The following OLFM4 variants were observed in gnomAD, a reference collection of about 807,000 sequenced individuals.
OLFM4 encodes the protein olfactomedin-4.
In OLFM4, 22 loss-of-function variants were observed where a neutral mutation model predicts 25.5. The ratio of observed to expected loss-of-function variants is 0.86; its 90% CI spans 0.62 to 1.23. The LOEUF (loss-of-function observed/expected upper bound fraction) is 1.23. OLFM4 is among the 50% of genes most tolerant of loss of function. The pLI is 0.00. For missense variants in OLFM4, 594 were observed against 619.4 expected (o/e 0.96, Z 0.44); for synonymous variants, 255 against 237.7 (o/e 1.07, Z -0.67).
chr13:53,043,602 C>T (rs556103266), intron 4 of OLFM4, among the ~76,000 whole-genome samples: 1 of 152,244 alleles, frequency 6.6e-6, no homozygotes, highest in East Asian at 1.9e-4. Flanking sequence ...AGGGGAAAGC[C>T]TCTGGAATCT....
At chr13:53,046,163 T>C (rs1229390064) in intron 4 of OLFM4, among the ~76,000 whole-genome samples, 1 of 152,214 alleles carries the variant, frequency 6.6e-6, no homozygotes, top group Admixed American at 6.5e-5. Flanking sequence ...AATTGCCTAA[T>C]TCTTATAAGT....
rs373925038 is a variant in OLFM4 at position 53,029,009 on chromosome 13, G to T, written c.173G>T (p.Arg58Leu). The change falls in exon 1 of 5, where the codon CGC (arginine) becomes CTC (leucine). Residue 58 changes from arginine to leucine, a missense_variant. By Grantham distance (102) the Arg-to-Leu change is moderately radical (BLOSUM62 -2). Transcript: ENST00000219022. ...SSSRSGSSSS[R>L]SLGSGGSVSQ... ...TCCAGGTCGGGCTCCAGCTCCAGCCGCAGCTTAGGCAGCGGAGGTTCTGTG... is the reference window on the plus strand; with the variant it reads ...TCCAGGTCGGGCTCCAGCTCCAGCCTCAGCTTAGGCAGCGGAGGTTCTGTG... 2 of 1,614,030 alleles carry T rather than the reference G, an allele frequency of 1.2e-6. No homozygotes were observed. Among genetic ancestry groups the T allele is most frequent in the Admixed American group, 1.7e-5 (1 of 60,008 alleles).
At position 53,042,093 on chromosome 13, in the gene OLFM4, T is replaced by A. The variant is rs1954690365; in HGVS notation, c.541T>A (p.Ser181Thr). The A allele has an allele frequency of 7.4e-6, 12 of 1,613,870 alleles. No homozygotes were observed. The highest frequency in any genetic ancestry group is 1.0e-5 in the Non-Finnish European group (12 of 1,179,882). ...GCTGAAGGAGAGTTTTGGTGGAAGCTCAGAAATTGTTGACCAGCTGGAGGT... is the reference window on the plus strand; with the variant it reads ...GCTGAAGGAGAGTTTTGGTGGAAGCACAGAAATTGTTGACCAGCTGGAGGT... The part of the protein sequence containing the change: ...IQLKESFGGS[S>T]EIVDQLEVEI... Residue 181 changes from serine to threonine, a missense_variant, in exon 3 of 5, where the codon TCA (serine) becomes ACA (threonine). Coordinates refer to ENST00000219022, the MANE Select transcript of OLFM4 (RefSeq NM_006418.5).
At chr13:53,035,725 A>T (rs9536344) in intron 2 of OLFM4, among the ~76,000 whole-genome samples, 51,969 of 152,054 alleles carry the variant, frequency 0.34, 9,962 homozygotes, top group Middle Eastern at 0.5. Flanking sequence ...AATCAAGACT[A>T]ATAGGTTTCT....
chr13:53,029,797 T>C (rs992083674), intron 1 of OLFM4, among the ~76,000 whole-genome samples: 2 of 152,198 alleles, frequency 1.3e-5, no homozygotes, highest in Non-Finnish European at 2.9e-5. Flanking sequence ...ACGAGGCTGG[T>C]ACAGCTAGGC....
At position 53,042,077 on chromosome 13, in the gene OLFM4, G is replaced by A; in HGVS notation, c.525G>A (p.Glu175=). Residue 175 remains glutamate, a synonymous_variant, in exon 3 of 5, where the codon GAG becomes GAA. Transcript: ENST00000219022. The part of the protein sequence containing the change: ...EMEKLVIQLK[E]SFGGSSEIVD... ...AAAAACTGGTCATACAGCTGAAGGA[G>A]AGTTTTGGTGGAAGCTCAGAAATTG... The A allele has an allele frequency of 6.2e-7, 1 of 1,614,008 alleles. No individual in the cohort carries two copies. The highest frequency in any genetic ancestry group is 8.5e-7 in the Non-Finnish European group (1 of 1,179,928).
rs767331530 is a variant in OLFM4, at chr13:53,034,401, T to C, written c.258T>C (p.Ser86=). The C allele has an allele frequency of 2.5e-6, 4 of 1,614,130 alleles. No individual in the cohort carries two copies. The highest frequency in any genetic ancestry group is 1.1e-5 in the South Asian group (1 of 91,080). The change falls in exon 2 of 5, where the codon TCT becomes TCC. Residue 86 remains serine, a synonymous_variant. Transcript: ENST00000219022. ...ATGACCGTGGGACCTGCCAGTGCTCTGTTTCCCTGCCAGACACCACCTTTC... is the reference window on the plus strand; with the variant it reads ...ATGACCGTGGGACCTGCCAGTGCTCCGTTTCCCTGCCAGACACCACCTTTC... ...SVDDRGTCQC[S]VSLPDTTFPV... is the part of the protein sequence containing the mutation.
chr13:53,041,450 AC>A (rs1954686316), intron 2 of OLFM4, among the ~76,000 whole-genome samples: 1 of 152,170 alleles, frequency 6.6e-6, no homozygotes, highest in African/African-American at 2.4e-5. Context: ...AAAGAGGAGA[AC>A]AACAGAAGCG....
At chr13:53,029,061 G>C in intron 1 of OLFM4, 21 bp downstream of exon 1, 1 of 1,613,008 alleles carries the variant, frequency 6.2e-7, no homozygotes, top group Non-Finnish European at 8.5e-7. Context: ...CCCAGAATCT[G>C]AATGAGCTGC....
At position 53,051,556 on chromosome 13, in the gene OLFM4, C is replaced by T. The variant is rs1954748511; in HGVS notation, c.*785C>T. ...CTAACCAATTCCACCCCCCACCAACCCCCTTCTACTGCCTACTTTAAAAAA... is the reference window on the plus strand; with the variant it reads ...CTAACCAATTCCACCCCCCACCAACTCCCTTCTACTGCCTACTTTAAAAAA... On this transcript the variant is annotated 3_prime_UTR_variant, in exon 5 of 5. Transcript: ENST00000219022. The T allele has an allele frequency of 6.6e-6, 1 of 152,074 alleles. No individual in the cohort carries two copies. The highest frequency in any genetic ancestry group is 2.1e-4 in the South Asian group (1 of 4,826). 9.4% of individuals were successfully genotyped at this position (152,074 alleles called of 1,614,324 possible).
intron 4 of OLFM4, 84 bp from the exon 5 acceptor site, chr13:53,049,885 C>T: frequency 7.4e-7 from 1 of 1,358,876 alleles, no homozygotes; most frequent in Non-Finnish European, 1.0e-6. Flanking sequence ...TTTATAGATT[C>T]CTTTGGTGCT....
At position 53,028,931 on chromosome 13, in the gene OLFM4, C is replaced by A. The variant is rs1263197901; in HGVS notation, c.95C>A (p.Pro32His). The change falls in exon 1 of 5, where the codon CCC (proline) becomes CAC (histidine). Residue 32 changes from proline (P) to histidine (H), a missense_variant. Physicochemically the swap from Pro to His is moderately conservative, Grantham distance 77. Transcript: ENST00000219022. ...GATGTGGGACCTCCAATTCCCAGCC[C>A]CGGCTTCAGCTCTTTCCCAGGTGTT... ...LGDVGPPIPS[P>H]GFSSFPGVDS... 3.1e-6 allele frequency: 5 copies of A among 1,614,116 alleles called. No homozygotes were observed. The highest frequency in any genetic ancestry group is 4.2e-6 in the Non-Finnish European group (5 of 1,180,052).
At chr13:53,037,723 C>G (rs1346262473) in intron 2 of OLFM4, among the ~76,000 whole-genome samples, 3 of 152,152 alleles carry the variant, frequency 2.0e-5, no homozygotes, top group Non-Finnish European at 4.4e-5. Flanking sequence ...TATGTCTTTA[C>G]AATCACTCCA....
In OLFM4 at chr13:53,041,943, G is replaced by A. The variant is rs1566318337; in HGVS notation, c.391G>A (p.Glu131Lys). 1 of 1,613,840 alleles carries A rather than the reference G, an allele frequency of 6.2e-7. No homozygotes were observed. Among genetic ancestry groups the A allele is most frequent in the South Asian group, 1.1e-5 (1 of 91,064 alleles). The part of the protein sequence containing the change: ...REYVQLISVY[E>K]KKLLNLTVRI... ...ATATGTCCAATTAATTAGTGTGTAT[G>A]AAAAGAAACTGTTAAACCTAACTGT... The change falls in exon 3 of 5, where the codon GAA becomes AAA. Residue 131 changes from glutamate to lysine, a missense_variant. Physicochemically the swap from Glu to Lys is moderately conservative, Grantham distance 56. Transcript: ENST00000219022.
intron 4 of OLFM4, among the ~76,000 whole-genome samples, chr13:53,047,000 C>G (rs1954719026): frequency 2.0e-5 from 3 of 152,208 alleles, no homozygotes; most frequent in African/African-American, 7.2e-5. Context: ...ACTCACCTAT[C>G]TGCTTAACAC....
rs559911968 is a variant in OLFM4 at position 53,041,526 on chromosome 13, GT to G, written c.358-381del. 1.8e-3 allele frequency among the ~76,000 whole-genome samples: 279 copies of G among 152,214 alleles called. 2 individuals carry two copies. The highest frequency in any genetic ancestry group is 8.1e-3 in the South Asian group (39 of 4,808). On this transcript the variant is annotated intron_variant, in intron 2 of 4. Transcript: ENST00000219022. ...AACAAAAAAATCTATTGGGTGCTAG[GT>G]TTAGTACCTGCGAGACAAAATAACC...
chr13:53,038,171 G>A (rs1011830776), intron 2 of OLFM4, among the ~76,000 whole-genome samples: 2 of 152,090 alleles, frequency 1.3e-5, no homozygotes, highest in African/African-American at 4.8e-5. Context: ...CCATATTCTT[G>A]ATAGAATGTT....
intron 1 of OLFM4, among the ~76,000 whole-genome samples, chr13:53,031,790 C>G (rs1213403307): frequency 6.6e-6 from 1 of 152,118 alleles, no homozygotes; most frequent in South Asian, 2.1e-4. Context: ...GAAAACCTAC[C>G]AATATAAGGT....
Position 53,029,070 on chromosome 13 carries a change from G to C in OLFM4, c.204+30G>C, listed in dbSNP as rs771628804. On this transcript the variant is annotated intron_variant, in intron 1 of 4. Coordinates refer to ENST00000219022, the MANE Select transcript of OLFM4 (RefSeq NM_006418.5). ...GGAGGCCCCAGAATCTGAATGAGCT[G>C]CATTCATTCCCTTCCATTTGCTTTT... is the stretch of plus-strand genomic sequence containing the variant. 9.3e-6 allele frequency: 15 copies of C among 1,611,100 alleles called. No individual in the cohort carries two copies. The Admixed American group carries it at 2.3e-4, about 25-fold the overall frequency.
Sources: gnomAD v4.1 joint callset for allele counts (sites outside exome capture counted in the v4.1 genomes callset) on GRCh38, gnomAD v4.1.1 for gene constraint, MANE v1.5 for transcripts, NCBI Gene and HGNC (gene_info 2026-07-23, HGNC 2026-07-21) for gene names.